The following RANBP9 variants were observed in gnomAD, a reference collection of about 807,000 sequenced individuals.
The protein encoded by RANBP9 is RAN binding protein 9, also known as ran-binding protein 9.
A neutral mutation model predicts 84.3 loss-of-function variants in RANBP9; 15 were observed. The ratio of observed to expected loss-of-function variants is 0.18; its 90% CI spans 0.12 to 0.27. The LOEUF (loss-of-function observed/expected upper bound fraction) is 0.27, where lower values mean the gene tolerates loss of function less well. Ranked by LOEUF, RANBP9 falls within the 10% of genes least tolerant of loss-of-function variation. RANBP9 has a pLI of 1.00. For missense variants in RANBP9, 809 were observed against 912.8 expected (o/e 0.89, Z 1.46); for synonymous variants, 392 against 349.6 (o/e 1.12, Z -1.35).
intron 5 of RANBP9, among the ~76,000 whole-genome samples, chr6:13,645,920 A>G (rs1291803346): frequency 6.6e-6 from 1 of 152,234 alleles, no homozygotes; most frequent in Non-Finnish European, 1.5e-5. Context: ...ACAAATCAGA[A>G]ACAAAATATT....
intron 2 of RANBP9, among the ~76,000 whole-genome samples, chr6:13,683,327 A>T (rs1766090353): frequency 6.6e-6 from 1 of 152,222 alleles, no homozygotes; most frequent in Admixed American, 6.5e-5. Context: ...ATGGTTATAA[A>T]CTGTTTTCCT....
intron 2 of RANBP9, among the ~76,000 whole-genome samples, chr6:13,673,301 T>C (rs1765816028): frequency 6.6e-6 from 1 of 152,070 alleles, no homozygotes; most frequent in South Asian, 2.1e-4. Flanking sequence ...TCCAGAGAAA[T>C]TATCCCTCAG....
intron 12 of RANBP9, among the ~76,000 whole-genome samples, chr6:13,629,697 A>C (rs1359941012): frequency 6.6e-6 from 1 of 152,182 alleles, no homozygotes. Context: ...GCAAAAATTC[A>C]ATAAACAGCT....
At chr6:13,682,415 A>G (rs1766065119) in intron 2 of RANBP9, among the ~76,000 whole-genome samples, 1 of 148,008 alleles carries the variant, frequency 6.8e-6, no homozygotes, top group South Asian at 2.1e-4. Flanking sequence ...AAAAAAAAAG[A>G]CTGCAAAAAA....
intron 9 of RANBP9, 95 bp from the exon 10 acceptor site, chr6:13,638,050 C>G: frequency 8.4e-7 from 1 of 1,190,130 alleles, no homozygotes; most frequent in African/African-American, 1.5e-5. Flanking sequence ...ACTAAGACTT[C>G]TAGAACGTAG....
At chr6:13,647,799 C>T (rs1342630856) in intron 5 of RANBP9, among the ~76,000 whole-genome samples, 3 of 152,042 alleles carry the variant, frequency 2.0e-5, no homozygotes, top group Non-Finnish European at 1.5e-5. Context: ...AGTTTTGGCT[C>T]ACTGAAAAGT....
Position 13,705,406 on chromosome 6 carries a change from C to CAAAA in RANBP9, c.571+5525_571+5528dup, listed in dbSNP as rs774239782. Among the ~76,000 whole-genome samples, 106 of 26,754 alleles carry CAAAA rather than the reference C, an allele frequency of 4.0e-3. 13 individuals carry two copies. Among genetic ancestry groups the CAAAA allele is most frequent in the Middle Eastern group, 0.062 (1 of 16 alleles). The allele number at this position is 26,754 out of a possible 152,430, so 17.6% of individuals were successfully genotyped here. ...TGGGCGACAGAGCAAGATTCTGTCTCAAAAAAAAAAAAAAAAAAAAAAAAA... is the reference window on the plus strand; with the variant it reads ...TGGGCGACAGAGCAAGATTCTGTCTCAAAAAAAAAAAAAAAAAAAAAAAAAAAAA... On this transcript the variant is annotated intron_variant, in intron 1 of 13. Coordinates refer to ENST00000011619, the MANE Select transcript of RANBP9 (RefSeq NM_005493.3).
intron 1 of RANBP9, among the ~76,000 whole-genome samples, chr6:13,705,574 T>C (rs537457196): frequency 5.1e-4 from 77 of 152,116 alleles, no homozygotes; most frequent in African/African-American, 1.8e-3. Flanking sequence ...TTAAGGAACA[T>C]TTTTAGGCCG....
chr6:13,708,433 T>C (rs114263779), intron 1 of RANBP9, among the ~76,000 whole-genome samples: 3,271 of 151,542 alleles, frequency 0.022, 123 homozygotes, highest in African/African-American at 0.075. Context: ...CACACACACA[T>C]ACACAAAAAC....
intron 12 of RANBP9, among the ~76,000 whole-genome samples, chr6:13,629,442 C>A (rs906753503): frequency 1.3e-5 from 2 of 152,068 alleles, no homozygotes; most frequent in Non-Finnish European, 2.9e-5. Context: ...AAATATGTAG[C>A]ATTATGGGTT....
At chr6:13,629,122 T>C (rs955680370) in intron 12 of RANBP9, among the ~76,000 whole-genome samples, 1 of 152,104 alleles carries the variant, frequency 6.6e-6, no homozygotes, top group Admixed American at 6.6e-5. Context: ...AGCCTTTTTG[T>C]TTTTTTGAGA....
rs1764471152 is a variant in RANBP9 at position 13,622,229 on chromosome 6, G to A, written c.*133C>T. 3 of 880,348 alleles carry A rather than the reference G, an allele frequency of 3.4e-6. No individual in the cohort carries two copies. The Admixed American group carries it at 1.1e-4, about 31-fold the overall frequency. 54.5% of individuals were successfully genotyped at this position (880,348 alleles called of 1,614,324 possible). A position where few individuals can be genotyped will look rare whatever the true frequency, so the allele number is the denominator to read the frequency against. The stretch of plus-strand genomic sequence containing the variant: ...TCATTTGCATCATGCTGTAAACTAG[G>A]AAGCAATGTAAAGCGACAAAAACCT... On this transcript the variant is annotated 3_prime_UTR_variant, in exon 14 of 14. Transcript: ENST00000011619.
At chr6:13,632,594 T>C in intron 11 of RANBP9, 73 bp from the exon 12 acceptor site, 2 of 1,366,756 alleles carry the variant, frequency 1.5e-6, no homozygotes, top group South Asian at 2.6e-5. Flanking sequence ...CATACATTTC[T>C]TATACCATTT....
At chr6:13,669,635 G>T (rs1231534791) in intron 2 of RANBP9, among the ~76,000 whole-genome samples, 2 of 152,118 alleles carry the variant, frequency 1.3e-5, no homozygotes, top group Non-Finnish European at 2.9e-5. Flanking sequence ...ACTTTAACCA[G>T]GCTGCAGTGC....
At position 13,625,731 on chromosome 6, in the gene RANBP9, A is replaced by G; in HGVS notation, c.1981T>C (p.Trp661Arg). ...AFSLLAYSDPWNSPVGNQLDP... is the reference protein window; with the variant it reads ...AFSLLAYSDPRNSPVGNQLDP... ...AGCTGATTTCCAACTGGGCTGTTCC[A>G]GGGATCTGAATATGCTAGTAGACTG... The change falls in exon 13 of 14, where the codon TGG becomes CGG. Residue 661 changes from tryptophan to arginine, a missense_variant. Trp to Arg is a moderately radical substitution (Grantham distance 101). Around this residue, in one of 5 missense-constraint regions of RANBP9, gnomAD observed 233 missense variants for 234.4 expected, o/e 0.99. Coordinates refer to ENST00000011619, the MANE Select transcript of RANBP9 (RefSeq NM_005493.3). 6.2e-7 allele frequency: 1 copy of G among 1,612,306 alleles called. No homozygotes were observed. The highest frequency in any genetic ancestry group is 8.5e-7 in the Non-Finnish European group (1 of 1,178,406).
chr6:13,663,340 C>T (rs1341207347), intron 2 of RANBP9, among the ~76,000 whole-genome samples: 2 of 151,908 alleles, frequency 1.3e-5, no homozygotes, highest in African/African-American at 4.8e-5. Context: ...GAGAAATATT[C>T]TTAAGAATAA....
rs529487457 is a variant in RANBP9, at chr6:13,687,870, A to G, written c.683+8915T>C. ...CTTGCTTAAAACTAGCACCTGAAAG[A>G]TAAAAGGTAACACCCATTAGCATTA... On this transcript the variant is annotated intron_variant, in intron 2 of 13. Coordinates refer to ENST00000011619, the MANE Select transcript of RANBP9 (RefSeq NM_005493.3). Among the ~76,000 whole-genome samples the G allele has an allele frequency of 1.3e-3, 202 of 152,352 alleles. 1 individual carries two copies. The highest frequency in any genetic ancestry group is 5.2e-3 in the South Asian group (25 of 4,824).
At chr6:13,661,940 A>T (rs1765545762) in intron 2 of RANBP9, among the ~76,000 whole-genome samples, 1 of 152,336 alleles carries the variant, frequency 6.6e-6, no homozygotes, top group Admixed American at 6.5e-5. Context: ...TATTGAAAGT[A>T]AAGTAACTGT....
intron 1 of RANBP9, among the ~76,000 whole-genome samples, chr6:13,702,823 C>T (rs534960684): frequency 6.6e-4 from 100 of 152,294 alleles, no homozygotes; most frequent in African/African-American, 2.3e-3. Context: ...TCACTATCCT[C>T]TCTACTTGGT....
Sources: gnomAD v4.1 joint callset for allele counts (sites outside exome capture counted in the v4.1 genomes callset) on GRCh38, gnomAD v4.1.1 for gene constraint, gnomAD v4.1.1 regional missense constraint, MANE v1.5 for transcripts, NCBI Gene and HGNC (gene_info 2026-07-23, HGNC 2026-07-21) for gene names.